CSMD1: variants seen among roughly 807,000 people sequenced by gnomAD.
The protein encoded by CSMD1 is CUB and Sushi multiple domains 1.
In CSMD1, 213 loss-of-function variants were observed where a neutral mutation model predicts 417.5. That is an observed-to-expected ratio of 0.51 (90% confidence interval 0.46 to 0.57). The LOEUF is 0.57. Among genes scored for constraint, CSMD1 ranks in the 20% least tolerant of loss-of-function variants. The pLI is 0.00. For missense variants in CSMD1, 6,923 were observed against 4,529.7 expected (o/e 1.53, Z -15.17); for synonymous variants, 2,862 against 1,736.8 (o/e 1.65, Z -16.11).
chr8:4,408,433 G>T (rs182747467), intron 3 of CSMD1, among the ~76,000 whole-genome samples: 5 of 152,302 alleles, frequency 3.3e-5, no homozygotes, highest in East Asian at 1.9e-4. Context: ...TTAAAGAAAA[G>T]AATTGGGAGA....
intron 5 of CSMD1, among the ~76,000 whole-genome samples, chr8:3,817,375 G>C (rs1403020252): frequency 7.2e-6 from 1 of 139,178 alleles, no homozygotes; most frequent in African/African-American, 2.7e-5. Flanking sequence ...CCTCCTACCA[G>C]GTTCAAGTTA....
intron 2 of CSMD1, among the ~76,000 whole-genome samples, chr8:4,429,894 T>C (rs1317120093): frequency 7.2e-5 from 11 of 152,104 alleles, no homozygotes; most frequent in Admixed American, 6.6e-5. Flanking sequence ...TCCTCCATTT[T>C]TGGCCAAGAC....
At position 3,369,363 on chromosome 8, in the gene CSMD1, A is replaced by C. The variant is rs1809803752; in HGVS notation, c.2790T>G (p.Cys930Trp). ...CACTCTTCCCTTGGATGTAGCCTCC[A>C]CATAGAGCTTAAAATAATAAAGAGA... ...NHALPSCDAL[C>W]GGYIQGKSGT... Residue 930 changes from cysteine to tryptophan, a missense_variant, in exon 19 of 70, where the codon TGT becomes TGG. By Grantham distance (215) the Cys-to-Trp change is radical (BLOSUM62 -2). Transcript: ENST00000635120. 6.6e-7 allele frequency: 1 copy of C among 1,512,884 alleles called. No homozygotes were observed. The highest frequency in any genetic ancestry group is 1.4e-5 in the African/African-American group (1 of 72,726). 93.7% of individuals were successfully genotyped at this position (1,512,884 alleles called of 1,614,324 possible).
chr8:4,503,968 T>TC (rs1802391166), intron 2 of CSMD1, among the ~76,000 whole-genome samples: 1 of 125,488 alleles, frequency 8.0e-6, no homozygotes. Context: ...ACTTGCATAT[T>TC]CAAAAAAAAA....
intron 3 of CSMD1, among the ~76,000 whole-genome samples, chr8:4,129,513 G>T (rs1052304469): frequency 6.6e-6 from 1 of 152,130 alleles, no homozygotes; most frequent in African/African-American, 2.4e-5. Flanking sequence ...ATGACATTTT[G>T]CCAGGGCATA....
intron 2 of CSMD1, among the ~76,000 whole-genome samples, chr8:4,552,624 A>G (rs997001280): frequency 2.8e-5 from 4 of 145,002 alleles, no homozygotes; most frequent in African/African-American, 9.9e-5. Flanking sequence ...TCAATTGGGG[A>G]AAAAAAAAAT....
At chr8:2,958,894 C>A (rs908581563) in intron 62 of CSMD1, among the ~76,000 whole-genome samples, 13 of 151,990 alleles carry the variant, frequency 8.6e-5, no homozygotes, top group African/African-American at 3.1e-4. Context: ...AGAATAACTA[C>A]AAGTAAAATG....
At chr8:3,547,545 G>T (rs1453266566) in intron 10 of CSMD1, among the ~76,000 whole-genome samples, 1 of 152,034 alleles carries the variant, frequency 6.6e-6, no homozygotes, top group Non-Finnish European at 1.5e-5. Context: ...TTTTTCCAAA[G>T]TCTCATACAA....
chr8:3,794,731 C>T (rs1007079219), intron 5 of CSMD1, among the ~76,000 whole-genome samples: 1 of 152,070 alleles, frequency 6.6e-6, no homozygotes, highest in African/African-American at 2.4e-5. Flanking sequence ...TCCGATATCT[C>T]ACAGTTGCAA....
intron 2 of CSMD1, among the ~76,000 whole-genome samples, chr8:4,522,845 T>G (rs1004991553): frequency 4.6e-5 from 7 of 152,200 alleles, no homozygotes; most frequent in Admixed American, 3.9e-4. Flanking sequence ...TAGATCCTTT[T>G]CAGGGAACCA....
chr8:3,906,585 T>C (rs1221200889), intron 5 of CSMD1, among the ~76,000 whole-genome samples: 1 of 150,588 alleles, frequency 6.6e-6, no homozygotes, highest in African/African-American at 2.4e-5. Flanking sequence ...GTGTGGGATA[T>C]CATCATAAAA....
intron 6 of CSMD1, among the ~76,000 whole-genome samples, chr8:3,716,157 C>T (rs1414498568): frequency 5.9e-5 from 9 of 152,138 alleles, no homozygotes; most frequent in African/African-American, 1.2e-4. Context: ...ATTCACTGGC[C>T]GCTCCTTGTT....
chr8:3,374,229 G>C (rs942343932), intron 18 of CSMD1, among the ~76,000 whole-genome samples: 2 of 152,098 alleles, frequency 1.3e-5, no homozygotes, highest in African/African-American at 2.4e-5. Flanking sequence ...AATGTGCTGA[G>C]ATTACAGGCG....
At chr8:4,134,407 C>G (rs899010787) in intron 3 of CSMD1, among the ~76,000 whole-genome samples, 1 of 152,106 alleles carries the variant, frequency 6.6e-6, no homozygotes, top group African/African-American at 2.4e-5. Flanking sequence ...AAGGGATGAC[C>G]TTTGAAGACA....
intron 1 of CSMD1, among the ~76,000 whole-genome samples, chr8:4,709,042 T>C (rs887904432): frequency 1.3e-5 from 2 of 152,188 alleles, no homozygotes; most frequent in Admixed American, 1.3e-4. Flanking sequence ...AGCTTCCCAG[T>C]CTATGGTACT....
intron 49 of CSMD1, among the ~76,000 whole-genome samples, chr8:3,066,183 T>C (rs1812927281): frequency 6.6e-6 from 1 of 152,208 alleles, no homozygotes; most frequent in Non-Finnish European, 1.5e-5. Flanking sequence ...ACAATTCTCT[T>C]GGCACTTAAA....
chr8:3,562,406 A>G (rs1272414636), intron 10 of CSMD1, among the ~76,000 whole-genome samples: 3 of 139,730 alleles, frequency 2.1e-5, no homozygotes, highest in Non-Finnish European at 3.2e-5. Context: ...ATGCATACAC[A>G]CACATGCACA....
intron 2 of CSMD1, among the ~76,000 whole-genome samples, chr8:4,537,963 T>C (rs79909066): frequency 0.018 from 2,798 of 152,340 alleles, 43 homozygotes; most frequent in Non-Finnish European, 0.029. Flanking sequence ...AATTTGCTTT[T>C]AACAGCTGTA....
intron 9 of CSMD1, among the ~76,000 whole-genome samples, chr8:3,583,141 C>T (rs1193078272): frequency 3.3e-5 from 5 of 151,964 alleles, no homozygotes; most frequent in South Asian, 2.1e-4. Context: ...GCCTGTCTTT[C>T]AGAATTCAGA....
Sources: allele counts gnomAD v4.1 joint callset (sites outside exome capture counted in the v4.1 genomes callset), GRCh38; gene constraint gnomAD v4.1.1; transcripts MANE v1.5; gene names NCBI Gene and HGNC (gene_info 2026-07-23, HGNC 2026-07-21).